Variants in NOL4 observed in about 807,000 individuals in gnomAD.
The protein encoded by NOL4 is cancer/testis antigen 125.
A neutral mutation model predicts 75.9 loss-of-function variants in NOL4; 17 were observed. That is an observed-to-expected ratio of 0.22 (90% CI 0.15 to 0.34). NOL4 has a LOEUF of 0.34. Ranked by LOEUF, NOL4 falls within the 10% of genes least tolerant of loss-of-function variation. NOL4 has a pLI of 1.00. For missense variants in NOL4, 614 were observed against 793.5 expected, an observed-to-expected ratio of 0.77 and a Z score of 2.72; for synonymous variants, 292 against 289.9, an observed-to-expected ratio of 1.01 and a Z score of -0.07.
At chr18:34,036,111 T>G (rs1415062801) in intron 5 of NOL4, among the ~76,000 whole-genome samples, 1 of 152,118 alleles carries the variant, frequency 6.6e-6, no homozygotes, top group Non-Finnish European at 1.5e-5. Context: ...AAATTTTCCC[T>G]AACTCATTCT....
chr18:33,875,404 C>T (rs1156861718), intron 10 of NOL4, among the ~76,000 whole-genome samples: 5 of 151,954 alleles, frequency 3.3e-5, no homozygotes, highest in Non-Finnish European at 7.4e-5. Flanking sequence ...GGGTGCAGCC[C>T]CTTGCCAGCT....
rs115276183 is a variant in NOL4, at chr18:34,154,999, T to C, written c.265-24979A>G. Among the ~76,000 whole-genome samples the C allele has an allele frequency of 3.2e-3, 493 of 152,136 alleles. 2 individuals are homozygous for C. The highest frequency in any genetic ancestry group is 0.011 in the African/African-American group (468 of 41,566). The stretch of plus-strand genomic sequence containing the variant: ...AATATTTTATTGGCTGGTCTCCCTT[T>C]TTCTTATAGTTCTCTATAAAGTCTG... On this transcript the variant is annotated intron_variant, in intron 1 of 10. Transcript: ENST00000261592.
chr18:34,222,827 T>C (rs2037416994), intron 1 of NOL4, 163 bp downstream of exon 1: 1 of 865,232 alleles, frequency 1.2e-6, no homozygotes, highest in Non-Finnish European at 1.7e-6. Context: ...AAAACGCGCC[T>C]GGCTAATGCG....
intron 10 of NOL4, among the ~76,000 whole-genome samples, chr18:33,882,448 T>A (rs1170205572): frequency 6.6e-6 from 1 of 151,658 alleles, no homozygotes; most frequent in Non-Finnish European, 1.5e-5. Flanking sequence ...AAAAAACACA[T>A]GAAAAAATGC....
intron 6 of NOL4, among the ~76,000 whole-genome samples, chr18:33,975,717 G>C (rs117641343): frequency 0.022 from 3,389 of 152,326 alleles, 53 homozygotes; most frequent in Non-Finnish European, 0.027. Context: ...AGAGGTTGCA[G>C]TCAGCCGAGT....
At chr18:34,017,398 T>A (rs967779706) in intron 6 of NOL4, among the ~76,000 whole-genome samples, 7 of 152,136 alleles carry the variant, frequency 4.6e-5, no homozygotes, top group African/African-American at 9.7e-5. Flanking sequence ...ATGTTTTGTA[T>A]ACCTATCCAT....
intron 6 of NOL4, among the ~76,000 whole-genome samples, chr18:33,998,492 G>A (rs2073453201): frequency 6.6e-6 from 1 of 151,938 alleles, no homozygotes. Flanking sequence ...ATATACTGGT[G>A]GGCAGAAAAA....
At chr18:34,047,302 T>G (rs1431735905) in intron 5 of NOL4, among the ~76,000 whole-genome samples, 1 of 152,114 alleles carries the variant, frequency 6.6e-6, no homozygotes, top group African/African-American at 2.4e-5. Context: ...ATATTTAGCG[T>G]AGACTGTAAT....
chr18:34,091,256 A>G (rs1184123442), intron 5 of NOL4, among the ~76,000 whole-genome samples: 5 of 151,754 alleles, frequency 3.3e-5, no homozygotes, highest in Admixed American at 3.3e-4. Flanking sequence ...CCAGCTACTC[A>G]GGAGGCTGAG....
At chr18:33,854,382 T>C (rs555779798) in intron 10 of NOL4, among the ~76,000 whole-genome samples, 1 of 152,074 alleles carries the variant, frequency 6.6e-6, no homozygotes, top group Non-Finnish European at 1.5e-5. Flanking sequence ...TCCACTTCTG[T>C]AGTGGCCTTT....
intron 5 of NOL4, among the ~76,000 whole-genome samples, chr18:34,064,681 T>C (rs771823907): frequency 2.6e-4 from 40 of 151,940 alleles, no homozygotes; most frequent in Admixed American, 4.6e-4. Flanking sequence ...TAGTTAATAG[T>C]AGTACTCTCT....
At chr18:33,913,903 G>A (rs1039079120) in intron 9 of NOL4, among the ~76,000 whole-genome samples, 1 of 152,122 alleles carries the variant, frequency 6.6e-6, no homozygotes, top group Non-Finnish European at 1.5e-5. Flanking sequence ...GTGCAGAGAA[G>A]ACAAAGGGTA....
At chr18:34,109,460 G>A (rs987913169) in intron 2 of NOL4, among the ~76,000 whole-genome samples, 1 of 152,080 alleles carries the variant, frequency 6.6e-6, no homozygotes, top group African/African-American at 2.4e-5. Context: ...TCAAGACTGC[G>A]GTGAGCTATG....
At chr18:34,139,673 T>C (rs1273418530) in intron 1 of NOL4, among the ~76,000 whole-genome samples, 1 of 152,184 alleles carries the variant, frequency 6.6e-6, no homozygotes, top group Non-Finnish European at 1.5e-5. Flanking sequence ...TGTGTCTCTA[T>C]ATCCTTCAGT....
At chr18:34,025,798 C>T (rs535973611) in intron 5 of NOL4, among the ~76,000 whole-genome samples, 2 of 151,992 alleles carry the variant, frequency 1.3e-5, no homozygotes, top group African/African-American at 2.4e-5. Flanking sequence ...GGAGTTTGTG[C>T]GGAGAGAGAA....
chr18:33,931,610 T>C (rs1220913556), intron 9 of NOL4, among the ~76,000 whole-genome samples: 1 of 152,012 alleles, frequency 6.6e-6, no homozygotes, highest in Non-Finnish European at 1.5e-5. Flanking sequence ...GACATGTGTT[T>C]GTAGTCCCAG....
chr18:34,105,300 T>C (rs1219701610), intron 2 of NOL4, 140 bp from the exon 3 acceptor site: 1 of 584,836 alleles, frequency 1.7e-6, no homozygotes, highest in Non-Finnish European at 3.1e-6. Flanking sequence ...TTGCATACCA[T>C]GCATCATTTC....
At chr18:34,068,256 G>A (rs564775533) in intron 5 of NOL4, among the ~76,000 whole-genome samples, 4 of 152,134 alleles carry the variant, frequency 2.6e-5, no homozygotes, top group African/African-American at 9.6e-5. Context: ...GTTAAAAAAT[G>A]GAAAATAGCC....
At chr18:33,995,658 C>T (rs1482137351) in intron 6 of NOL4, among the ~76,000 whole-genome samples, 1 of 151,774 alleles carries the variant, frequency 6.6e-6, no homozygotes. Flanking sequence ...TATTTTCTAA[C>T]TTACCTTTTG....
Sources: allele counts gnomAD v4.1 joint callset (sites outside exome capture counted in the v4.1 genomes callset), GRCh38; gene constraint gnomAD v4.1.1; transcripts MANE v1.5; gene names NCBI Gene and HGNC (gene_info 2026-07-23, HGNC 2026-07-21).